Variants in HERC1 observed in about 807,000 individuals in gnomAD.
HERC1 encodes the protein probable E3 ubiquitin-protein ligase HERC1.
A neutral mutation model predicts 554.3 loss-of-function variants in HERC1; 160 were observed. That is an observed-to-expected ratio of 0.29 (90% CI 0.25 to 0.33). The LOEUF (loss-of-function observed/expected upper bound fraction) is 0.33, where lower values mean the gene tolerates loss of function less well. Among genes scored for constraint, HERC1 ranks in the 10% least tolerant of loss-of-function variants. The probability of loss-of-function intolerance (pLI) is 1.00; values close to 1 mark genes in which losing one functional copy is unlikely to be tolerated. For missense variants in HERC1, 4,919 were observed against 5,918.5 expected (o/e 0.83, Z 5.54); for synonymous variants, 2,175 against 2,131.7 (o/e 1.02, Z -0.56).
chr15:63,615,785 G>A lies in HERC1; in HGVS notation c.14077C>T (p.His4693Tyr). Residue 4693 changes from histidine (H) to tyrosine (Y), a missense_variant, in exon 76 of 78, where the codon CAT becomes TAT. His to Tyr is a moderately conservative substitution (Grantham distance 83). Coordinates refer to ENST00000443617, the MANE Select transcript of HERC1 (RefSeq NM_003922.4). ...YVERAIEYRL[H>Y]EMDRQVAAVR... ...CATCTCACCTGTCTGTCCATCTCAT[G>A]AAGTCGATATTCAATGGCCCTCTCC... 6.3e-7 allele frequency: 1 copy of A among 1,595,984 alleles called. No individual in the cohort carries two copies. Among genetic ancestry groups the A allele is most frequent in the Non-Finnish European group, 8.5e-7 (1 of 1,173,660 alleles).
intron 24 of HERC1, among the ~76,000 whole-genome samples, chr15:63,708,775 T>C (rs1175984920): frequency 6.6e-6 from 1 of 152,174 alleles, no homozygotes; most frequent in African/African-American, 2.4e-5. Context: ...TTAAATAACC[T>C]CATATAGTAT....
In HERC1 at chr15:63,775,608, G is replaced by C; in HGVS notation, c.16C>G (p.Pro6Ala). MATMI[P>A]PVKLKWLEHL... Reference sequence around the variant, plus strand: ...TCAAGCCATTTCAGCTTCACTGGTGGAATCATAGTTGCCATGTTGATTTAT... The same window carrying C: ...TCAAGCCATTTCAGCTTCACTGGTGCAATCATAGTTGCCATGTTGATTTAT... Residue 6 changes from proline (P) to alanine (A), a missense_variant, in exon 2 of 78, where the codon CCA becomes GCA. Physicochemically the swap from Pro to Ala is conservative, Grantham distance 27. Transcript: ENST00000443617. The surrounding 1 kb of genome is among the most constrained non-coding windows in gnomAD (Gnocchi z 4.0). 1 of 1,596,878 alleles carries C rather than the reference G, an allele frequency of 6.3e-7. No homozygotes were observed.
At chr15:63,829,561 GTA>G (rs60037018) in intron 1 of HERC1, among the ~76,000 whole-genome samples, 25,060 of 81,944 alleles carry the variant, frequency 0.31, 3,302 homozygotes, top group Middle Eastern at 0.4. Flanking sequence ...GTGTGTGTGT[GTA>G]TATATATATA....
At chr15:63,652,617 T>G (rs1566975276) in intron 51 of HERC1, 76 bp from the exon 52 acceptor site, 1 of 1,232,834 alleles carries the variant, frequency 8.1e-7, no homozygotes, top group Admixed American at 2.5e-5. Context: ...TGTATCCAAT[T>G]TTTAAAAATC....
chr15:63,740,949 T>C (rs2074774316), intron 12 of HERC1, among the ~76,000 whole-genome samples: 1 of 152,216 alleles, frequency 6.6e-6, no homozygotes, highest in Admixed American at 6.5e-5. Flanking sequence ...ATTTTTCCTT[T>C]GGTTGTTTGT....
rs543211163 is a variant in HERC1 at position 63,677,148 on chromosome 15, C to T, written c.7070+697G>A. ...AAACTTTTTGAGCACCAACATGATGCTCAATGGAAATATTCATTGGAGCAC... is the reference window on the plus strand; with the variant it reads ...AAACTTTTTGAGCACCAACATGATGTTCAATGGAAATATTCATTGGAGCAC... On this transcript the variant is annotated intron_variant, in intron 37 of 77. Coordinates refer to ENST00000443617, the MANE Select transcript of HERC1 (RefSeq NM_003922.4). This position sits in a 1 kb window ranked among gnomAD's most constrained non-coding sequence, Gnocchi z 4.4. Among the ~76,000 whole-genome samples the T allele has an allele frequency of 1.6e-4, 24 of 152,298 alleles. No homozygotes were observed. Among genetic ancestry groups the T allele is most frequent in the Non-Finnish European group, 3.4e-4 (23 of 68,018 alleles).
At chr15:63,704,940 A>G (rs950647310) in intron 25 of HERC1, among the ~76,000 whole-genome samples, 3 of 151,730 alleles carry the variant, frequency 2.0e-5, no homozygotes, top group Admixed American at 1.3e-4. Flanking sequence ...GGGTTTCACC[A>G]TGTTAGCCAG....
At chr15:63,733,669 C>T (rs1038951590) in intron 13 of HERC1, among the ~76,000 whole-genome samples, 4 of 151,254 alleles carry the variant, frequency 2.6e-5, no homozygotes, top group Non-Finnish European at 5.9e-5. Context: ...GCCTGGGCAA[C>T]ATAGCAAAAC....
intron 74 of HERC1, among the ~76,000 whole-genome samples, chr15:63,622,057 TA>T (rs1191433498): frequency 6.6e-6 from 1 of 152,198 alleles, no homozygotes; most frequent in Non-Finnish European, 1.5e-5. Flanking sequence ...ATTCTGTTTT[TA>T]ATTTACAAGT....
In HERC1 at chr15:63,615,756, G is replaced by A; in HGVS notation, c.14094+12C>T. On this transcript the variant is annotated intron_variant, in intron 76 of 77. Transcript: ENST00000443617. ...AGCATTCATGTGTACCTCCCGAGAT[G>A]TTTCATCTCACCTGTCTGTCCATCT... 1 of 1,571,016 alleles carries A rather than the reference G, an allele frequency of 6.4e-7. No individual in the cohort carries two copies. Among genetic ancestry groups the A allele is most frequent in the East Asian group, 2.3e-5 (1 of 43,476 alleles).
intron 1 of HERC1, among the ~76,000 whole-genome samples, chr15:63,784,730 C>T (rs1224577313): frequency 3.3e-5 from 5 of 152,202 alleles, no homozygotes; most frequent in Non-Finnish European, 7.3e-5. Flanking sequence ...GCCTCAGCCT[C>T]CCAAGTAACT....
chr15:63,725,249 A>C (rs2073992987), intron 18 of HERC1, 43 bp downstream of exon 18: 1 of 1,531,680 alleles, frequency 6.5e-7, no homozygotes, highest in Non-Finnish European at 9.0e-7. Flanking sequence ...CAACTGAGGT[A>C]CAAACAGGCA....
rs373716359 is a variant in HERC1, at chr15:63,690,166, C to CAAA, written c.5937+372_5937+374dup. ...TGGGCGACAGAGCGAGACTCCATCTCAAAAAAAAAAAAAAAAAAAGAAATA... is the reference window on the plus strand; with the variant it reads ...TGGGCGACAGAGCGAGACTCCATCTCAAAAAAAAAAAAAAAAAAAAAAGAAATA... On this transcript the variant is annotated intron_variant, in intron 32 of 77. Coordinates refer to ENST00000443617, the MANE Select transcript of HERC1 (RefSeq NM_003922.4). 2.6e-3 allele frequency among the ~76,000 whole-genome samples: 201 copies of CAAA among 77,800 alleles called. 1 individual carries two copies. The highest frequency in any genetic ancestry group is 9.1e-3 in the African/African-American group (188 of 20,624). The allele number at this position is 77,800 out of a possible 152,430, so 51.0% of individuals were successfully genotyped here. A position where few individuals can be genotyped will look rare whatever the true frequency, so the allele number is the denominator to read the frequency against.
chr15:63,616,158 C>G (rs1448549759), intron 75 of HERC1, among the ~76,000 whole-genome samples: 2 of 152,096 alleles, frequency 1.3e-5, no homozygotes, highest in Non-Finnish European at 2.9e-5. Flanking sequence ...GTTGAACTCT[C>G]GTGACCTCAG....
Position 63,694,143 on chromosome 15 carries a change from T to C in HERC1, c.5495A>G (p.Lys1832Arg). ...GGATTGAACTACTTTGGGACTCAGT[T>C]TATCAGCATAGGTCCTATGTGAAAT... Reference protein sequence around the residue: ...LAITTGTYADKLSPKVVQSLL... With the variant: ...LAITTGTYADRLSPKVVQSLL... Residue 1832 changes from lysine to arginine, a missense_variant, in exon 30 of 78, where the codon AAA becomes AGA. Around this residue, in one of 11 missense-constraint regions of HERC1, gnomAD observed 1,121 missense variants for 1,244.0 expected, o/e 0.90. Transcript: ENST00000443617. This position sits in a 1 kb window ranked among gnomAD's most constrained non-coding sequence, Gnocchi z 4.3. 6.2e-7 allele frequency: 1 copy of C among 1,605,796 alleles called. No individual in the cohort carries two copies. The highest frequency in any genetic ancestry group is 8.5e-7 in the Non-Finnish European group (1 of 1,176,032).
intron 71 of HERC1, among the ~76,000 whole-genome samples, chr15:63,624,636 C>T (rs2068222916): frequency 6.6e-6 from 1 of 152,140 alleles, no homozygotes; most frequent in Admixed American, 6.5e-5. Flanking sequence ...GTTGAGGCTG[C>T]AGTGAGCTGA....
At chr15:63,830,081 G>C (rs2078104523) in intron 1 of HERC1, among the ~76,000 whole-genome samples, 1 of 152,138 alleles carries the variant, frequency 6.6e-6, no homozygotes, top group Non-Finnish European at 1.5e-5. Flanking sequence ...TTGCAGACAA[G>C]ATCTACCAAT....
chr15:63,817,027 G>A (rs2077514472), intron 1 of HERC1, among the ~76,000 whole-genome samples: 1 of 152,046 alleles, frequency 6.6e-6, no homozygotes, highest in South Asian at 2.1e-4. Context: ...TCAGGAGACA[G>A]GAAGAACATG....
At chr15:63,681,635 T>C (rs1595961010) in intron 34 of HERC1, among the ~76,000 whole-genome samples, 2 of 152,108 alleles carry the variant, frequency 1.3e-5, no homozygotes, top group South Asian at 4.1e-4. Context: ...CTCACTGACC[T>C]AGAACATTTA....
Sources: allele counts gnomAD v4.1 joint callset (sites outside exome capture counted in the v4.1 genomes callset), GRCh38; gene constraint gnomAD v4.1.1; regional missense constraint gnomAD v4.1.1; non-coding constraint Gnocchi (gnomAD v3.1); transcripts MANE v1.5; gene names NCBI Gene and HGNC (gene_info 2026-07-23, HGNC 2026-07-21).